Variants in OPCML observed in about 807,000 individuals in gnomAD.
OPCML encodes the protein opioid-binding protein/cell adhesion molecule.
OPCML carries 13 observed loss-of-function variants against 37.8 expected under a neutral mutation model. The observed-to-expected ratio is 0.34, with a 90% CI of 0.22 to 0.55. The LOEUF (loss-of-function observed/expected upper bound fraction) is 0.55. Ranked by LOEUF, OPCML falls within the 20% of genes least tolerant of loss-of-function variation. The probability of loss-of-function intolerance (pLI) is 0.91; values close to 1 mark genes in which losing one functional copy is unlikely to be tolerated. For synonymous variants in OPCML, 176 were observed against 168.8 expected (o/e 1.04, Z -0.33); for missense variants, 341 against 435.6 (o/e 0.78, Z 1.93).
chr11:133,491,183 A>G (rs1347704715), intron 1 of OPCML, among the ~76,000 whole-genome samples: 2 of 152,194 alleles, frequency 1.3e-5, no homozygotes, highest in Non-Finnish European at 2.9e-5. Context: ...TCAGGCAGGA[A>G]GAGAAGTGAG....
intron 1 of OPCML, among the ~76,000 whole-genome samples, chr11:132,991,613 C>T (rs147674540): frequency 6.6e-6 from 1 of 152,328 alleles, no homozygotes; most frequent in East Asian, 1.9e-4. Flanking sequence ...AAAACTTAAA[C>T]ATATAAATCT....
At chr11:133,481,485 GTATGTAACTGTGGC>G (rs1947371255) in intron 1 of OPCML, among the ~76,000 whole-genome samples, 2 of 148,762 alleles carry the variant, frequency 1.3e-5, no homozygotes, top group Admixed American at 6.7e-5. Context: ...ATAAATGTAT[GTATGTAACTGTGGC>G]TACAATTTTA....
At position 133,174,891 on chromosome 11, in the gene OPCML, CAGG is replaced by C. The variant is rs1478352907; in HGVS notation, c.62-231884_62-231882del. ...CCAAGGCAGGAGGATCACTTGAGAT[CAGG>C]AGTTTAAGTCCAGCCAGAGCAACAA... is the stretch of plus-strand genomic sequence containing the variant. On this transcript the variant is annotated intron_variant, in intron 1 of 7. Coordinates refer to ENST00000524381, the MANE Select transcript of OPCML (RefSeq NM_001012393.5). The surrounding 1 kb of genome is among the most constrained non-coding windows in gnomAD (Gnocchi z 4.6). Among the ~76,000 whole-genome samples, 1 of 152,146 alleles carries C rather than the reference CAGG, an allele frequency of 6.6e-6. No individual in the cohort carries two copies. Among genetic ancestry groups the C allele is most frequent in the African/African-American group, 2.4e-5 (1 of 41,444 alleles).
chr11:133,137,142 T>G (rs1949704751), intron 1 of OPCML, among the ~76,000 whole-genome samples: 2 of 151,864 alleles, frequency 1.3e-5, no homozygotes, highest in Admixed American at 1.3e-4. Flanking sequence ...TTCTGGGAAG[T>G]GGGGGGCATT....
At chr11:133,243,584 A>C (rs1024225688) in intron 1 of OPCML, among the ~76,000 whole-genome samples, 7 of 152,200 alleles carry the variant, frequency 4.6e-5, no homozygotes, top group African/African-American at 1.7e-4. Flanking sequence ...TGAGAGGCAG[A>C]GAAAGTCAGA....
chr11:133,147,466 G>C (rs1949913647), intron 1 of OPCML, among the ~76,000 whole-genome samples: 1 of 152,178 alleles, frequency 6.6e-6, no homozygotes, highest in Non-Finnish European at 1.5e-5. Context: ...AAAACAGGAA[G>C]ACTCTACCCT....
intron 4 of OPCML, among the ~76,000 whole-genome samples, chr11:132,442,732 G>A (rs2096040451): frequency 6.6e-6 from 1 of 152,166 alleles, no homozygotes; most frequent in Non-Finnish European, 1.5e-5. Context: ...AGTCTTATGA[G>A]ATCTGATGGG....
intron 1 of OPCML, among the ~76,000 whole-genome samples, chr11:133,347,735 C>T (rs2062176706): frequency 6.6e-6 from 1 of 152,186 alleles, no homozygotes; most frequent in African/African-American, 2.4e-5. Flanking sequence ...AAAGCTCCTG[C>T]TGGCCAAATT....
intron 1 of OPCML, among the ~76,000 whole-genome samples, chr11:133,278,072 G>C (rs2136500123): frequency 6.6e-6 from 1 of 152,254 alleles, no homozygotes; most frequent in East Asian, 1.9e-4. Flanking sequence ...AGTGAGCCGG[G>C]GACACCTTGG....
intron 1 of OPCML, among the ~76,000 whole-genome samples, chr11:133,476,777 G>A (rs532892012): frequency 1.7e-4 from 26 of 152,246 alleles, no homozygotes; most frequent in African/African-American, 2.4e-4. Context: ...CCGGAGGGCC[G>A]GTAGTTTTGG....
rs111794791 is a variant in OPCML, at chr11:133,431,496, G to C, written c.61+100768C>G. Among the ~76,000 whole-genome samples, 621 of 152,116 alleles carry C rather than the reference G, an allele frequency of 4.1e-3. 10 individuals carry two copies. The highest frequency in any genetic ancestry group is 7.0e-3 in the Non-Finnish European group (477 of 68,006). ...TTGTTTGTTTTCGACGCGGAGTTTT[G>C]CTCTTGTTGCCCAGGCTGGAGGGCA... is the stretch of plus-strand genomic sequence containing the variant. On this transcript the variant is annotated intron_variant, in intron 1 of 7. Transcript: ENST00000524381.
chr11:132,939,461 G>A (rs1945500600), intron 2 of OPCML, among the ~76,000 whole-genome samples: 1 of 152,198 alleles, frequency 6.6e-6, no homozygotes, highest in South Asian at 2.1e-4. Context: ...TTATCCTGCT[G>A]TTGAAATAAA....
intron 1 of OPCML, among the ~76,000 whole-genome samples, chr11:133,252,101 A>C (rs1794772240): frequency 6.6e-6 from 1 of 152,214 alleles, no homozygotes. Context: ...TCTTTGCTGT[A>C]GTAGGAATTT....
At chr11:133,399,851 CATATATATATATATTATATATATATAAA>C (rs1365731520) in intron 1 of OPCML, among the ~76,000 whole-genome samples, 32 of 147,638 alleles carry the variant, frequency 2.2e-4, no homozygotes, top group South Asian at 4.3e-4. Flanking sequence ...ATTAAGGAAG[CATATATATATATATTATATATATATAAA>C]ATATATATGA....
chr11:132,816,610 G>C (rs1445689325), intron 2 of OPCML, among the ~76,000 whole-genome samples: 1 of 152,090 alleles, frequency 6.6e-6, no homozygotes, highest in African/African-American at 2.4e-5. Context: ...GTGACACCTG[G>C]GTGTTCAGGG....
intron 1 of OPCML, chr11:133,299,876 CCACCACTAA>C (rs1381253852): frequency 6.6e-6 from 1 of 152,180 alleles, no homozygotes; most frequent in Non-Finnish European, 1.5e-5. Flanking sequence ...ACCGCCACGA[CCACCACTAA>C]CATCAGCACC....
intron 1 of OPCML, among the ~76,000 whole-genome samples, chr11:132,983,835 C>T (rs1325396837): frequency 1.3e-5 from 2 of 152,126 alleles, no homozygotes; most frequent in African/African-American, 4.8e-5. Context: ...TGTTAATGGC[C>T]TATTAACATT....
At chr11:133,346,983 T>G (rs1944018293) in intron 1 of OPCML, among the ~76,000 whole-genome samples, 1 of 152,212 alleles carries the variant, frequency 6.6e-6, no homozygotes, top group African/African-American at 2.4e-5. Context: ...AAAGGACAGT[T>G]TCACATTATC....
chr11:132,700,544 C>A (rs143255769), intron 2 of OPCML, among the ~76,000 whole-genome samples: 1 of 152,110 alleles, frequency 6.6e-6, no homozygotes, highest in East Asian at 1.9e-4. Flanking sequence ...TTTGACCCCT[C>A]GTGGTTCAGT....
Sources: gnomAD v4.1 joint callset for allele counts (sites outside exome capture counted in the v4.1 genomes callset) on GRCh38, gnomAD v4.1.1 for gene constraint, Gnocchi (gnomAD v3.1) non-coding constraint, MANE v1.5 for transcripts, NCBI Gene and HGNC (gene_info 2026-07-23, HGNC 2026-07-21) for gene names.